TP63: variants seen among roughly 807,000 people sequenced by gnomAD.
TP63 encodes tumor protein p63, also known as tumor protein 63.
TP63 carries 17 observed loss-of-function variants against 82.8 expected under a neutral mutation model. The observed-to-expected ratio is 0.21, with a 90% CI of 0.14 to 0.31. The LOEUF (loss-of-function observed/expected upper bound fraction) is 0.31, where lower values mean the gene tolerates loss of function less well. Among genes scored for constraint, TP63 ranks in the 10% least tolerant of loss-of-function variants. The probability of loss-of-function intolerance (pLI) is 1.00; values close to 1 mark genes in which losing one functional copy is unlikely to be tolerated. For missense variants in TP63, 648 were observed against 895.3 expected (o/e 0.72, Z 3.52); for synonymous variants, 330 against 321.7 (o/e 1.03, Z -0.28).
At chr3:189,887,269 C>T (rs1357321112) in intron 11 of TP63, among the ~76,000 whole-genome samples, 1 of 151,632 alleles carries the variant, frequency 6.6e-6, no homozygotes, top group Non-Finnish European at 1.5e-5. Context: ...AAAAAAATAC[C>T]TCTAATTACA....
chr3:189,682,536 GAAAA>G (rs375284237), intron 1 of TP63, among the ~76,000 whole-genome samples: 346 of 18,792 alleles, frequency 0.018, 1 homozygote, highest in African/African-American at 0.021. Flanking sequence ...GTCCTAAGGG[GAAAA>G]AAAAAAAAAA....
At chr3:189,636,501 G>A (rs1157063022) in intron 1 of TP63, among the ~76,000 whole-genome samples, 1 of 152,076 alleles carries the variant, frequency 6.6e-6, no homozygotes, top group Non-Finnish European at 1.5e-5. Flanking sequence ...ATTACTGATA[G>A]GTTCTTGGAG....
intron 4 of TP63, among the ~76,000 whole-genome samples, chr3:189,854,847 A>G (rs1716092678): frequency 6.6e-6 from 1 of 152,242 alleles, no homozygotes; most frequent in South Asian, 2.1e-4. Context: ...TTAGAAGATT[A>G]CTTTGGTGCA....
At chr3:189,886,614 GT>G in intron 11 of TP63, 63 bp downstream of exon 11, 1 of 1,602,852 alleles carries the variant, frequency 6.2e-7, no homozygotes, top group African/African-American at 1.3e-5. Flanking sequence ...ACAAGACTCT[GT>G]GATGGGGAAG....
At chr3:189,634,018 A>G (rs141089899) in intron 1 of TP63, among the ~76,000 whole-genome samples, 58 of 152,270 alleles carry the variant, frequency 3.8e-4, no homozygotes, top group Admixed American at 1.0e-3. Context: ...AAACAAGTGA[A>G]TAAATGAAAT....
chr3:189,771,685 G>GATT (rs1328264243), intron 3 of TP63, among the ~76,000 whole-genome samples: 2 of 151,714 alleles, frequency 1.3e-5, no homozygotes, highest in Non-Finnish European at 2.9e-5. Context: ...TACAACTCAT[G>GATT]ATTGAATAGT....
chr3:189,831,371 AT>A (rs1712305080), intron 4 of TP63, among the ~76,000 whole-genome samples: 1 of 152,108 alleles, frequency 6.6e-6, no homozygotes, highest in Admixed American at 6.6e-5. Context: ...CAGTTTTCTA[AT>A]TTGCTGTGAG....
intron 1 of TP63, among the ~76,000 whole-genome samples, chr3:189,710,234 G>A (rs1416832959): frequency 1.3e-5 from 2 of 152,120 alleles, no homozygotes; most frequent in East Asian, 1.9e-4. Flanking sequence ...AACAGGCCTA[G>A]GGGATAGATA....
chr3:189,832,994 TAAAG>T (rs1409133296), intron 4 of TP63, among the ~76,000 whole-genome samples: 1 of 152,246 alleles, frequency 6.6e-6, no homozygotes, highest in Admixed American at 6.5e-5. Context: ...TTTAATGAGA[TAAAG>T]AGAGCAGAGG....
chr3:189,673,732 ACAACT>A (rs1176303652), intron 1 of TP63, among the ~76,000 whole-genome samples: 1 of 152,050 alleles, frequency 6.6e-6, no homozygotes, highest in African/African-American at 2.4e-5. Flanking sequence ...GGTGGGAATC[ACAACT>A]CAATTCAATT....
rs569377674 is a variant in TP63 at position 189,851,301 on chromosome 3, G to A, written c.580-12931G>A. Among the ~76,000 whole-genome samples the A allele has an allele frequency of 1.5e-3, 232 of 152,288 alleles. 1 individual carries two copies. Among genetic ancestry groups the A allele is most frequent in the Middle Eastern group, 3.4e-3 (1 of 294 alleles). ...CAGCCAGGCGCGGTGGCTCACACTCGTAATCCCAGCACTTTGGGAGGCCGA... is the reference window on the plus strand; with the variant it reads ...CAGCCAGGCGCGGTGGCTCACACTCATAATCCCAGCACTTTGGGAGGCCGA... On this transcript the variant is annotated intron_variant, in intron 4 of 13. Transcript: ENST00000264731.
At chr3:189,682,863 A>G (rs1464934001) in intron 1 of TP63, among the ~76,000 whole-genome samples, 1 of 151,938 alleles carries the variant, frequency 6.6e-6, no homozygotes, top group Non-Finnish European at 1.5e-5. Context: ...TCTTGGGGAG[A>G]GTGAATCATT....
At chr3:189,630,526 T>G (rs1729417940), upstream of TP63, among the ~76,000 whole-genome samples, 1 of 152,106 alleles carries the variant, frequency 6.6e-6, no homozygotes, top group Non-Finnish European at 1.5e-5. Context: ...CAGCAAAAAC[T>G]GTAAGACATA....
At chr3:189,761,470 C>G (rs1370962492) in intron 3 of TP63, among the ~76,000 whole-genome samples, 1 of 142,342 alleles carries the variant, frequency 7.0e-6, no homozygotes, top group Non-Finnish European at 1.6e-5. Flanking sequence ...CATCTTTGCT[C>G]CAATTCCCAA....
At chr3:189,872,020 T>C (rs763641793) in intron 9 of TP63, among the ~76,000 whole-genome samples, 14 of 152,316 alleles carry the variant, frequency 9.2e-5, no homozygotes, top group Non-Finnish European at 1.9e-4. Flanking sequence ...TGCTCATAAT[T>C]GTAAAAGCCT....
At chr3:189,852,175 T>C (rs1715720107) in intron 4 of TP63, among the ~76,000 whole-genome samples, 1 of 152,212 alleles carries the variant, frequency 6.6e-6, no homozygotes, top group Non-Finnish European at 1.5e-5. Context: ...CCCACAGTTG[T>C]TGGTGTTGGA....
chr3:189,645,373 C>T (rs1279456193), intron 1 of TP63: 4 of 521,562 alleles, frequency 7.7e-6, no homozygotes, highest in African/African-American at 1.9e-5. Flanking sequence ...CTGGGTATTC[C>T]AGCTGCAGTT....
At chr3:189,849,620 C>T (rs2108762324) in intron 4 of TP63, among the ~76,000 whole-genome samples, 1 of 152,090 alleles carries the variant, frequency 6.6e-6, no homozygotes. Flanking sequence ...GTTTTACCTT[C>T]TCTCCTTTTG....
intron 3 of TP63, among the ~76,000 whole-genome samples, chr3:189,780,511 CCT>C (rs2108574971): frequency 6.7e-6 from 1 of 148,542 alleles, no homozygotes; most frequent in Non-Finnish European, 1.5e-5. Context: ...CTTATAGGCC[CCT>C]ATTTCCTAAT....
Sources: allele counts gnomAD v4.1 joint callset (sites outside exome capture counted in the v4.1 genomes callset), GRCh38; gene constraint gnomAD v4.1.1; transcripts MANE v1.5; gene names NCBI Gene and HGNC (gene_info 2026-07-23, HGNC 2026-07-21).